ATP11A: variants seen among roughly 807,000 people sequenced by gnomAD.
The protein encoded by ATP11A is ATPase phospholipid transporting 11A, also known as phospholipid-transporting ATPase IH.
ATP11A carries 81 observed loss-of-function variants against 154.4 expected under a neutral mutation model. That is an observed-to-expected ratio of 0.52 (90% CI 0.44 to 0.63). The LOEUF is 0.63. ATP11A is among the 30% of genes least tolerant of loss of function. The pLI is 0.00. For synonymous variants in ATP11A, 623 were observed against 585.9 expected (o/e 1.06, Z -0.91); for missense variants, 1,316 against 1,474.3 (o/e 0.89, Z 1.76).
intron 1 of ATP11A, among the ~76,000 whole-genome samples, chr13:112,769,702 T>A (rs954144546): frequency 6.6e-6 from 1 of 152,164 alleles, no homozygotes; most frequent in Non-Finnish European, 1.5e-5. Flanking sequence ...AAGCTGCCGA[T>A]TTCTAGCACT....
chr13:112,725,261 C>T (rs563339950), intron 1 of ATP11A, among the ~76,000 whole-genome samples: 2 of 152,314 alleles, frequency 1.3e-5, no homozygotes, highest in African/African-American at 4.8e-5. Flanking sequence ...TGTGGACCTC[C>T]CATGGCCAAG....
intron 13 of ATP11A, among the ~76,000 whole-genome samples, chr13:112,832,220 G>A (rs937155200): frequency 6.6e-6 from 1 of 152,226 alleles, no homozygotes; most frequent in African/African-American, 2.4e-5. Flanking sequence ...GAAGTCCCAG[G>A]CTGATGCTGT....
chr13:112,733,029 A>G (rs4907749), intron 1 of ATP11A, among the ~76,000 whole-genome samples: 7,933 of 152,274 alleles, frequency 0.052, 704 homozygotes, highest in African/African-American at 0.18. Flanking sequence ...TTTACAAGTT[A>G]TTTATATAAA....
At chr13:112,819,569 C>T (rs1395073309) in intron 7 of ATP11A, among the ~76,000 whole-genome samples, 162 bp downstream of exon 7, 1 of 152,134 alleles carries the variant, frequency 6.6e-6, no homozygotes, top group African/African-American at 2.4e-5. Context: ...CTTATTTATT[C>T]TCATAGACTT....
chr13:112,744,470 A>C (rs7986147), intron 1 of ATP11A, among the ~76,000 whole-genome samples: 35,153 of 152,114 alleles, frequency 0.23, 5,263 homozygotes, highest in African/African-American at 0.42. Context: ...CTGTCCAGTG[A>C]ATCTCAGACA....
chr13:112,739,716 G>GGA (rs1444018631), intron 1 of ATP11A, among the ~76,000 whole-genome samples: 4 of 152,182 alleles, frequency 2.6e-5, no homozygotes, highest in Non-Finnish European at 4.4e-5. Context: ...GCCAAAGAGC[G>GGA]GAAGCATCTC....
chr13:112,790,516 C>T, intron 2 of ATP11A, among the ~76,000 whole-genome samples: 1 of 149,728 alleles, frequency 6.7e-6, no homozygotes, highest in Non-Finnish European at 1.5e-5. Flanking sequence ...GTGTAGACCC[C>T]TGTGGAGACC....
intron 2 of ATP11A, among the ~76,000 whole-genome samples, chr13:112,793,190 G>T (rs549936104): frequency 6.6e-6 from 1 of 152,036 alleles, no homozygotes; most frequent in Non-Finnish European, 1.5e-5. Context: ...ACTTCCTTCC[G>T]CAGAGCCAGG....
chr13:112,702,835 T>C (rs982241003), intron 1 of ATP11A, among the ~76,000 whole-genome samples: 9 of 152,258 alleles, frequency 5.9e-5, no homozygotes, highest in Non-Finnish European at 1.5e-5. Flanking sequence ...GGCCTTGCTG[T>C]CTTCCGCCTT....
intron 4 of ATP11A, among the ~76,000 whole-genome samples, chr13:112,809,197 A>T (rs2078415631): frequency 6.6e-6 from 1 of 152,184 alleles, no homozygotes; most frequent in African/African-American, 2.4e-5. Context: ...GCCACCTTCC[A>T]GGAAGACTGT....
At chr13:112,824,956 G>T (rs1239329186) in intron 10 of ATP11A, among the ~76,000 whole-genome samples, 1 of 152,184 alleles carries the variant, frequency 6.6e-6, no homozygotes, top group African/African-American at 2.4e-5. Context: ...TGCTTTTCCT[G>T]TACTGAGGAC....
At chr13:112,854,002 C>A (rs148283029) in intron 18 of ATP11A, among the ~76,000 whole-genome samples, 125 of 152,298 alleles carry the variant, frequency 8.2e-4, no homozygotes, top group African/African-American at 2.8e-3. Flanking sequence ...CCAGGCTTGT[C>A]AGACGTCAGT....
intron 1 of ATP11A, among the ~76,000 whole-genome samples, chr13:112,770,819 C>T (rs1219713340): frequency 6.6e-6 from 1 of 152,194 alleles, no homozygotes; most frequent in Non-Finnish European, 1.5e-5. Flanking sequence ...TTTTTAGAAA[C>T]GCTTAAGTGC....
At position 112,860,309 on chromosome 13, in the gene ATP11A, T is replaced by C; in HGVS notation, c.2750T>C (p.Leu917Pro). ...SQQTLYDTAYLTLYNISFTSL... is the reference protein window; with the variant it reads ...SQQTLYDTAYPTLYNISFTSL... ...CAGACTTTGTACGACACCGCGTATC[T>C]GACCCTCTACAACATCAGCTTCACC... Residue 917 changes from leucine to proline, a missense_variant, in exon 24 of 30, where the codon CTG (leucine) becomes CCG (proline). Transcript: ENST00000375645. 1 of 1,614,182 alleles carries C rather than the reference T, an allele frequency of 6.2e-7. No individual in the cohort carries two copies. The highest frequency in any genetic ancestry group is 1.1e-5 in the South Asian group (1 of 91,082).
At chr13:112,834,360 A>G (rs1228819923) in intron 14 of ATP11A, among the ~76,000 whole-genome samples, 1 of 152,246 alleles carries the variant, frequency 6.6e-6, no homozygotes, top group Non-Finnish European at 1.5e-5. Context: ...CTGTGTGCCA[A>G]GGAGGGTTGG....
rs1450067323 is a variant in ATP11A, at chr13:112,885,782, T to C, written c.*3916T>C. 1 of 152,346 alleles carries C rather than the reference T, an allele frequency of 6.6e-6. No homozygotes were observed. Among genetic ancestry groups the C allele is most frequent in the African/African-American group, 2.4e-5 (1 of 41,476 alleles). 9.4% of individuals were successfully genotyped at this position (152,346 alleles called of 1,614,324 possible). On this transcript the variant is annotated 3_prime_UTR_variant, in exon 30 of 30. Coordinates refer to ENST00000375645, the MANE Select transcript of ATP11A (RefSeq NM_015205.3). ...CCTGTGAGAGGCCTCTGGATGGGCA[T>C]GGGAAGATGGGCTCCCTGGCCCCCA... is the stretch of plus-strand genomic sequence containing the variant.
chr13:112,763,228 C>T (rs1488825325), intron 1 of ATP11A, among the ~76,000 whole-genome samples: 5 of 152,174 alleles, frequency 3.3e-5, no homozygotes, highest in East Asian at 1.9e-4. Context: ...CCCCAACCAA[C>T]GGAATGGACC....
Position 112,845,520 on chromosome 13 carries a change from G to T in ATP11A, c.1809+3141G>T, listed in dbSNP as rs372312531. 2.8e-4 allele frequency among the ~76,000 whole-genome samples: 33 copies of T among 117,078 alleles called. 11 individuals are homozygous for T. Among genetic ancestry groups the T allele is most frequent in the African/African-American group, 1.1e-3 (28 of 24,598 alleles). The allele number at this position is 117,078 out of a possible 152,430, so 76.8% of individuals were successfully genotyped here. On this transcript the variant is annotated intron_variant, in intron 17 of 29. Transcript: ENST00000375645. ...CTAACCAGTCCAGTTGCCGGCACTA[G>T]CGGTACTAACCAGTCCAGTTGCTGG...
At chr13:112,794,261 C>G (rs2077938766) in intron 2 of ATP11A, among the ~76,000 whole-genome samples, 1 of 152,136 alleles carries the variant, frequency 6.6e-6, no homozygotes, top group South Asian at 2.1e-4. Flanking sequence ...TGTCCCCAGG[C>G]AAATACTTAC....
Sources: allele counts gnomAD v4.1 joint callset (sites outside exome capture counted in the v4.1 genomes callset), GRCh38; gene constraint gnomAD v4.1.1; transcripts MANE v1.5; gene names NCBI Gene and HGNC (gene_info 2026-07-23, HGNC 2026-07-21).